Variants in EXOC6 observed in about 807,000 individuals in gnomAD.
The protein encoded by EXOC6 is SEC15-like 1.
Under a neutral mutation model 112.5 loss-of-function variants are expected in EXOC6, and 60 were observed. The observed-to-expected ratio is 0.53, with a 90% CI of 0.43 to 0.66. EXOC6 has a LOEUF of 0.66. Ranked by LOEUF, EXOC6 falls within the 30% of genes least tolerant of loss-of-function variation. The probability of loss-of-function intolerance (pLI) is 0.00; values close to 1 mark genes in which losing one functional copy is unlikely to be tolerated. For synonymous variants in EXOC6, 295 were observed against 308.0 expected, an observed-to-expected ratio of 0.96 and a Z score of 0.44; for missense variants, 855 against 957.1, an observed-to-expected ratio of 0.89 and a Z score of 1.41.
Position 92,955,729 on chromosome 10 carries a change from G to T in EXOC6, c.1773+15G>T. 4 of 1,597,348 alleles carry T rather than the reference G, an allele frequency of 2.5e-6. No homozygotes were observed. The South Asian group carries it at 4.5e-5, about 18-fold the overall frequency. On this transcript the variant is annotated intron_variant, in intron 17 of 21. Transcript: ENST00000260762. ...CTACTTTCAAGGTATGTAAAAATTT[G>T]ACCAAAAGTTTTCATTTCAGTCACT...
At chr10:93,016,742 A>G (rs11187243) in intron 20 of EXOC6, among the ~76,000 whole-genome samples, 11,177 of 152,096 alleles carry the variant, frequency 0.073, 544 homozygotes, top group Admixed American at 0.14. Flanking sequence ...ATCAGTCATA[A>G]TTATTATGTT....
chr10:93,019,892 T>C (rs1844702274), intron 20 of EXOC6, among the ~76,000 whole-genome samples: 1 of 152,222 alleles, frequency 6.6e-6, no homozygotes, highest in South Asian at 2.1e-4. Flanking sequence ...TTTAAAAGTC[T>C]AATCCAAAAT....
At chr10:93,042,006 C>T (rs1306149051) in intron 20 of EXOC6, among the ~76,000 whole-genome samples, 2 of 152,214 alleles carry the variant, frequency 1.3e-5, no homozygotes, top group South Asian at 2.1e-4. Flanking sequence ...CCACTGCGCC[C>T]GGCCAGCTTC....
In EXOC6 at chr10:92,990,349, T is replaced by C. The variant is rs562559841; in HGVS notation, c.1954-7125T>C. ...ATAAGTCTTAAGTTTGTATATAGCATAGCATACTTAAATATTTTCCTGATG... is the reference window on the plus strand; with the variant it reads ...ATAAGTCTTAAGTTTGTATATAGCACAGCATACTTAAATATTTTCCTGATG... On this transcript the variant is annotated intron_variant, in intron 18 of 21. Coordinates refer to ENST00000260762, the MANE Select transcript of EXOC6 (RefSeq NM_019053.6). Among the ~76,000 whole-genome samples, 7 of 152,360 alleles carry C rather than the reference T, an allele frequency of 4.6e-5. No individual in the cohort carries two copies. In the South Asian group the frequency reaches 1.2e-3, roughly 27 times the overall value.
At chr10:92,899,850 A>G in intron 5 of EXOC6, 1 of 450,040 alleles carries the variant, frequency 2.2e-6, no homozygotes, top group Non-Finnish European at 3.9e-6. Context: ...TATAAATGAT[A>G]TCAAGGATTG....
chr10:92,929,541 G>A (rs1851911348), intron 9 of EXOC6, among the ~76,000 whole-genome samples: 1 of 152,060 alleles, frequency 6.6e-6, no homozygotes, highest in Non-Finnish European at 1.5e-5. Flanking sequence ...TAAAAGACTC[G>A]ATATTTGAAT....
rs898897251 is a variant in EXOC6 at position 93,041,478 on chromosome 10, A to G, written c.2170-15446A>G. Among the ~76,000 whole-genome samples, 10 of 151,794 alleles carry G rather than the reference A, an allele frequency of 6.6e-5. No individual in the cohort carries two copies. The East Asian group carries it at 7.7e-4, about 12-fold the overall frequency. ...ATGATCTTGGCTCACTGCAACCTCT[A>G]CCTCCTGGGTTCAAGCAATTCTTCT... On this transcript the variant is annotated intron_variant, in intron 20 of 21. Coordinates refer to ENST00000260762, the MANE Select transcript of EXOC6 (RefSeq NM_019053.6).
intron 1 of EXOC6, among the ~76,000 whole-genome samples, chr10:92,872,936 G>A (rs186522891): frequency 2.0e-5 from 3 of 152,174 alleles, no homozygotes; most frequent in Admixed American, 1.3e-4. Context: ...AAGCTATTAC[G>A]CAAAGTGCAC....
In EXOC6 at chr10:93,058,563, C is replaced by T. The variant is rs926509257; in HGVS notation, c.*208C>T. 8.0e-6 allele frequency: 3 copies of T among 373,024 alleles called. No homozygotes were observed. Among genetic ancestry groups the T allele is most frequent in the Non-Finnish European group, 1.4e-5 (3 of 216,596 alleles). The allele number at this position is 373,024 out of a possible 1,614,324, so 23.1% of individuals were successfully genotyped here. On this transcript the variant is annotated 3_prime_UTR_variant, in exon 22 of 22. Transcript: ENST00000260762. ...CTATTTTATATATGGAAAAAAATGA[C>T]CATTTTTTCACTTTTAGGGGAAAAT...
In EXOC6 at chr10:92,893,368, C is replaced by A. The variant is rs1849598715; in HGVS notation, c.121C>A (p.Pro41Thr). 1 of 1,610,872 alleles carries A rather than the reference C, an allele frequency of 6.2e-7. No homozygotes were observed. Among genetic ancestry groups the A allele is most frequent in the Non-Finnish European group, 8.5e-7 (1 of 1,178,410 alleles). ...PTLRSVYDDQ[P>T]NAHKKFMEKL... is the part of the protein sequence containing the mutation. ...ATTCAGGTCTGTGTATGATGACCAACCAAATGCGCACAAGAAGTTTATGGA... is the reference window on the plus strand; with the variant it reads ...ATTCAGGTCTGTGTATGATGACCAAACAAATGCGCACAAGAAGTTTATGGA... Residue 41 changes from proline to threonine, a missense_variant, in exon 2 of 22, where the codon CCA (proline) becomes ACA (threonine). Around this residue, in one of 2 missense-constraint regions of EXOC6, gnomAD observed 405 missense variants for 393.6 expected, o/e 1.03. Coordinates refer to ENST00000260762, the MANE Select transcript of EXOC6 (RefSeq NM_019053.6).
chr10:92,952,447 T>C (rs1023367844), intron 15 of EXOC6, 65 bp downstream of exon 15: 2 of 1,031,900 alleles, frequency 1.9e-6, no homozygotes, highest in African/African-American at 1.6e-5. Context: ...ACTTTATTTT[T>C]ATGCCATAAC....
At chr10:92,935,718 G>T (rs1852301577) in intron 11 of EXOC6, 96 bp from the exon 12 acceptor site, 1 of 901,578 alleles carries the variant, frequency 1.1e-6, no homozygotes, top group Non-Finnish European at 1.7e-6. Flanking sequence ...CAGATTAAAA[G>T]AAACATTATC....
chr10:93,051,539 AC>A (rs773105430), intron 20 of EXOC6, among the ~76,000 whole-genome samples: 3 of 152,222 alleles, frequency 2.0e-5, no homozygotes, highest in Admixed American at 6.5e-5. Context: ...GCTCCTTCTG[AC>A]TGCTACTTAA....
intron 5 of EXOC6, chr10:92,899,955 A>G (rs1353775778): frequency 4.2e-6 from 1 of 237,718 alleles, no homozygotes; most frequent in Non-Finnish European, 8.1e-6. Flanking sequence ...GGCTAAGTGC[A>G]TATTGTGGAA....
upstream of EXOC6, among the ~76,000 whole-genome samples, chr10:92,831,963 G>T (rs1230073004): frequency 6.6e-6 from 1 of 152,196 alleles, no homozygotes; most frequent in Non-Finnish European, 1.5e-5. Context: ...AGAGAAGAAT[G>T]AATTTTTAAA....
At chr10:92,913,060 A>G (rs1850881108) in intron 6 of EXOC6, among the ~76,000 whole-genome samples, 1 of 152,218 alleles carries the variant, frequency 6.6e-6, no homozygotes, top group Admixed American at 6.5e-5. Context: ...CCAAACTGGC[A>G]TTGTCTTTAC....
intron 13 of EXOC6, among the ~76,000 whole-genome samples, chr10:92,945,780 C>T (rs116760933): frequency 5.3e-4 from 80 of 152,320 alleles, no homozygotes; most frequent in African/African-American, 1.9e-3. Context: ...CTCAAGTGTT[C>T]TGCCTGCGTC....
At chr10:92,955,994 T>G (rs1159929722) in intron 17 of EXOC6, among the ~76,000 whole-genome samples, 1 of 152,160 alleles carries the variant, frequency 6.6e-6, no homozygotes, top group African/African-American at 2.4e-5. Context: ...TGAATTAATA[T>G]TTCACAGTTT....
At chr10:93,006,033 A>G (rs1843961545) in intron 19 of EXOC6, among the ~76,000 whole-genome samples, 1 of 152,082 alleles carries the variant, frequency 6.6e-6, no homozygotes. Flanking sequence ...GGTGGTGCAC[A>G]TGTGTAGTCC....
Sources: gnomAD v4.1 joint callset for allele counts (sites outside exome capture counted in the v4.1 genomes callset) on GRCh38, gnomAD v4.1.1 for gene constraint, gnomAD v4.1.1 regional missense constraint, MANE v1.5 for transcripts, NCBI Gene and HGNC (gene_info 2026-07-23, HGNC 2026-07-21) for gene names.